The following LYST variants were observed in gnomAD, a reference collection of about 807,000 sequenced individuals.
LYST encodes the protein lysosomal-trafficking regulator.
LYST carries 192 observed loss-of-function variants against 413.6 expected under a neutral mutation model. That is an observed-to-expected ratio of 0.46 (90% confidence interval 0.41 to 0.52). LYST has a LOEUF of 0.52. LYST is among the 20% of genes least tolerant of loss of function. The probability of loss-of-function intolerance (pLI) is 0.00; values close to 1 mark genes in which losing one functional copy is unlikely to be tolerated. For missense variants in LYST, 3,815 were observed against 4,499.9 expected, an observed-to-expected ratio of 0.85 and a Z score of 4.35; for synonymous variants, 1,525 against 1,567.3, an observed-to-expected ratio of 0.97 and a Z score of 0.64.
At chr1:235,864,133 T>C (rs1363612624) in intron 1 of LYST, among the ~76,000 whole-genome samples, 1 of 152,152 alleles carries the variant, frequency 6.6e-6, no homozygotes, top group Non-Finnish European at 1.5e-5. Context: ...ACACTGCTGC[T>C]TGGCTATAAA....
At chr1:235,670,070 C>A (rs1446959963) in intron 50 of LYST, among the ~76,000 whole-genome samples, 2 of 152,286 alleles carry the variant, frequency 1.3e-5, no homozygotes, top group Non-Finnish European at 2.9e-5. Flanking sequence ...AGGCCCCACC[C>A]CTTGCTTAAT....
Position 235,756,682 on chromosome 1 carries a change from A to T in LYST, c.7059+599T>A, listed in dbSNP as rs1393050259. ...TCATTCAATAATATACTTAGTACCT[A>T]TTACACAAGATGCCCACCCTCATGG... On this transcript the variant is annotated intron_variant, in intron 24 of 52. Transcript: ENST00000389793. 3.9e-5 allele frequency among the ~76,000 whole-genome samples: 6 copies of T among 152,194 alleles called. No individual in the cohort carries two copies. In the South Asian group the frequency reaches 1.0e-3, roughly 26 times the overall value.
chr1:235,715,089 G>T lies in LYST; in HGVS notation c.9784+112C>A, dbSNP rs531208979. ...AGGAATAAATAGAATTCTTTTTCCT[G>T]TAGTTTGATTAGTCTTAATAGTTCT... is the stretch of plus-strand genomic sequence containing the variant. On this transcript the variant is annotated intron_variant, in intron 42 of 52. Transcript: ENST00000389793. 58 of 984,756 alleles carry T rather than the reference G, an allele frequency of 5.9e-5. No homozygotes were observed. In the African/African-American group the frequency reaches 8.2e-4, roughly 14 times the overall value. 61.0% of individuals were successfully genotyped at this position (984,756 alleles called of 1,614,324 possible). A position where few individuals can be genotyped will look rare whatever the true frequency, so the allele number is the denominator to read the frequency against.
At position 235,685,023 on chromosome 1, in the gene LYST, C is replaced by T. The variant is rs187929073; in HGVS notation, c.10800+1926G>A. On this transcript the variant is annotated intron_variant, in intron 48 of 52. Transcript: ENST00000389793. The stretch of plus-strand genomic sequence containing the variant: ...CTGCTTTTGTCATTCTTCCCCAACA[C>T]GTTACACTCTAAACTACACAGGAAA... 3.2e-4 allele frequency among the ~76,000 whole-genome samples: 49 copies of T among 152,292 alleles called. 1 individual carries two copies. In the East Asian group the frequency reaches 7.5e-3, roughly 23 times the overall value.
intron 3 of LYST, among the ~76,000 whole-genome samples, chr1:235,819,547 T>C (rs900481207): frequency 2.6e-5 from 4 of 152,226 alleles, no homozygotes; most frequent in African/African-American, 9.7e-5. Context: ...CAATGTGCCA[T>C]ATTAGACAAT....
At chr1:235,687,533 AT>A (rs1277883558) in intron 47 of LYST, among the ~76,000 whole-genome samples, 4 of 152,214 alleles carry the variant, frequency 2.6e-5, no homozygotes, top group African/African-American at 9.7e-5. Flanking sequence ...AAGAAGATAA[AT>A]GTGAATGTAA....
intron 12 of LYST, among the ~76,000 whole-genome samples, chr1:235,789,637 T>C (rs982428415): frequency 6.6e-6 from 1 of 152,176 alleles, no homozygotes; most frequent in Non-Finnish European, 1.5e-5. Context: ...TTAGTTGCTA[T>C]TTTTCAACAG....
Position 235,686,769 on chromosome 1 carries a change from G to C in LYST, c.10800+180C>G, listed in dbSNP as rs894640045. Among the ~76,000 whole-genome samples the C allele has an allele frequency of 1.3e-5, 2 of 152,160 alleles. No homozygotes were observed. The highest frequency in any genetic ancestry group is 2.9e-5 in the Non-Finnish European group (2 of 68,020). ...GAAAAAAAATGGGACTACTACAATT[G>C]TTTTCAAGATTTTTCATGATTCTAA... On this transcript the variant is annotated intron_variant, in intron 48 of 52. Coordinates refer to ENST00000389793, the MANE Select transcript of LYST (RefSeq NM_000081.4). This position sits in a 1 kb window ranked among gnomAD's most constrained non-coding sequence, Gnocchi z 4.0.
chr1:235,877,828 T>G (rs923736795), intron 1 of LYST, among the ~76,000 whole-genome samples: 1 of 143,256 alleles, frequency 7.0e-6, no homozygotes, highest in Non-Finnish European at 1.5e-5. Context: ...TATGATCTAT[T>G]CGGAAGTATC....
At chr1:235,828,691 G>A in intron 3 of LYST, 2 of 746,912 alleles carry the variant, frequency 2.7e-6, no homozygotes, top group Non-Finnish European at 3.3e-6. Flanking sequence ...TATTTATATG[G>A]TATATTTTAA....
chr1:235,757,315 T>C lies in LYST; in HGVS notation c.7025A>G (p.His2342Arg). The C allele has an allele frequency of 6.2e-7, 1 of 1,613,592 alleles. No homozygotes were observed. The highest frequency in any genetic ancestry group is 8.5e-7 in the Non-Finnish European group (1 of 1,179,746). Residue 2342 changes from histidine (H) to arginine (R), a missense_variant, in exon 24 of 53, where the codon CAC (histidine) becomes CGC (arginine). This residue lies in a region of LYST where 771 missense variants were observed against 837.1 expected (regional missense o/e 0.92). Coordinates refer to ENST00000389793, the MANE Select transcript of LYST (RefSeq NM_000081.4). ...QADTLLVLVN[H>R]PSPAIQQGVI... ...ACCTTGTTGTATAGCTGGTGATGGG[T>C]GGTTAACGAGGACCAAAAGTGTATC...
chr1:235,778,637 T>C (rs2103464991), intron 16 of LYST, among the ~76,000 whole-genome samples: 1 of 152,146 alleles, frequency 6.6e-6, no homozygotes, highest in East Asian at 1.9e-4. Flanking sequence ...TCTGCCCGCC[T>C]CAGCCTCCCA....
Position 235,803,043 on chromosome 1 carries a change from A to G in LYST, c.3577T>C (p.Leu1193=). 3.1e-6 allele frequency: 5 copies of G among 1,613,074 alleles called. No homozygotes were observed. Among genetic ancestry groups the G allele is most frequent in the Non-Finnish European group, 4.2e-6 (5 of 1,179,666 alleles). The part of the protein sequence containing the change: ...TEKSHQSAEE[L]SSQPGDFSEE... ...GAAAAATCACCAGGCTGGGATGACA[A>G]TTCTTCTGCAGATTGATGACTCTAT... is the stretch of plus-strand genomic sequence containing the variant. The change falls in exon 8 of 53, where the codon TTG becomes CTG. Residue 1193 remains leucine, a synonymous_variant. Coordinates refer to ENST00000389793, the MANE Select transcript of LYST (RefSeq NM_000081.4).
At chr1:235,753,668 G>C (rs545498009) in intron 25 of LYST, among the ~76,000 whole-genome samples, 18 of 152,270 alleles carry the variant, frequency 1.2e-4, no homozygotes, top group South Asian at 2.1e-4. Flanking sequence ...TCTAGCAAAA[G>C]GGAATGATTC....
At chr1:235,869,626 A>C (rs1414792995), upstream of LYST, among the ~76,000 whole-genome samples, 1 of 152,216 alleles carries the variant, frequency 6.6e-6, no homozygotes, top group East Asian at 1.9e-4. Flanking sequence ...AGTCAACGTA[A>C]ATGTGCATAA....
intron 35 of LYST, 28 bp downstream of exon 35, chr1:235,730,996 CTATATTTA>C: frequency 6.2e-7 from 1 of 1,608,984 alleles, no homozygotes; most frequent in Non-Finnish European, 8.5e-7. Context: ...TAGTTCTCTG[CTATATTTA>C]TATGTTGAGT....
At chr1:235,828,245 T>C (rs1675556694) in intron 3 of LYST, 8 of 744,698 alleles carry the variant, frequency 1.1e-5, no homozygotes, top group African/African-American at 1.9e-5. Flanking sequence ...AGAAAGTAGA[T>C]TAGTGTTTGC....
chr1:235,788,605 A>G (rs930832023), intron 13 of LYST, 96 bp downstream of exon 13: 21 of 1,162,846 alleles, frequency 1.8e-5, no homozygotes, highest in South Asian at 3.9e-5. Context: ...TTGTTTTGCT[A>G]TAATGAACTT....
At chr1:235,688,781 G>A (rs1001661192) in intron 47 of LYST, among the ~76,000 whole-genome samples, 2 of 151,818 alleles carry the variant, frequency 1.3e-5, no homozygotes, top group African/African-American at 2.4e-5. Context: ...TCAGGAGATC[G>A]AGACCATCCT....
Sources: allele counts gnomAD v4.1 joint callset (sites outside exome capture counted in the v4.1 genomes callset), GRCh38; gene constraint gnomAD v4.1.1; regional missense constraint gnomAD v4.1.1; non-coding constraint Gnocchi (gnomAD v3.1); transcripts MANE v1.5; gene names NCBI Gene and HGNC (gene_info 2026-07-23, HGNC 2026-07-21).